ZNF704: variants seen among roughly 807,000 people sequenced by gnomAD.
The protein encoded by ZNF704 is zinc finger protein 704, also known as glucocorticoid induced gene 1.
Under a neutral mutation model 44.7 loss-of-function variants are expected in ZNF704, and 10 were observed. The observed-to-expected ratio is 0.22, with a 90% CI of 0.14 to 0.38. ZNF704 has a LOEUF of 0.38. ZNF704 is among the 10% of genes least tolerant of loss of function. The pLI, the probability that ZNF704 is intolerant of heterozygous loss-of-function variation, is 1.00. For synonymous variants in ZNF704, 211 were observed against 207.6 expected, an observed-to-expected ratio of 1.02 and a Z score of -0.14; for missense variants, 390 against 545.5, an observed-to-expected ratio of 0.71 and a Z score of 2.84.
intron 7 of ZNF704, among the ~76,000 whole-genome samples, chr8:80,652,303 G>C (rs1303829175): frequency 6.6e-6 from 1 of 151,894 alleles, no homozygotes; most frequent in Non-Finnish European, 1.5e-5. Flanking sequence ...CAGAAGGCAA[G>C]AAATAACTAA....
intron 4 of ZNF704, among the ~76,000 whole-genome samples, chr8:80,681,097 A>C (rs1818446311): frequency 6.6e-6 from 1 of 151,952 alleles, no homozygotes; most frequent in Admixed American, 6.6e-5. Context: ...GTTATAATGC[A>C]ATTTGTTTAT....
At chr8:80,833,494 G>A (rs991945034) in intron 1 of ZNF704, among the ~76,000 whole-genome samples, 3 of 152,126 alleles carry the variant, frequency 2.0e-5, no homozygotes, top group African/African-American at 7.2e-5. Flanking sequence ...TTTCATGCTA[G>A]GTACACAGAA....
At chr8:80,750,850 C>G (rs1806930596) in intron 2 of ZNF704, among the ~76,000 whole-genome samples, 1 of 152,174 alleles carries the variant, frequency 6.6e-6, no homozygotes, top group Admixed American at 6.5e-5. Flanking sequence ...CTAGCATCAT[C>G]TCAGATGCTC....
chr8:80,763,704 C>G (rs1046434319), intron 2 of ZNF704, among the ~76,000 whole-genome samples: 2 of 152,198 alleles, frequency 1.3e-5, no homozygotes, highest in Admixed American at 6.5e-5. Context: ...TAAATTTCTA[C>G]AGCAGGCTTG....
At chr8:80,680,740 C>A (rs111954261) in intron 4 of ZNF704, among the ~76,000 whole-genome samples, 1 of 152,210 alleles carries the variant, frequency 6.6e-6, no homozygotes, top group South Asian at 2.1e-4. Flanking sequence ...ATACATGTTG[C>A]CTTACCTTTT....
intron 1 of ZNF704, among the ~76,000 whole-genome samples, chr8:80,867,627 G>C (rs1238247610): frequency 6.6e-6 from 1 of 152,074 alleles, no homozygotes; most frequent in African/African-American, 2.4e-5. Flanking sequence ...ACTTTGTCTG[G>C]TATCTTAAGC....
At chr8:80,772,942 ACATTTT>A (rs1007285439) in intron 2 of ZNF704, among the ~76,000 whole-genome samples, 3 of 152,170 alleles carry the variant, frequency 2.0e-5, no homozygotes, top group African/African-American at 4.8e-5. Flanking sequence ...TTGATATGCT[ACATTTT>A]CATTTTCATT....
intron 1 of ZNF704, among the ~76,000 whole-genome samples, chr8:80,838,148 T>C (rs1240012683): frequency 1.3e-5 from 2 of 152,098 alleles, no homozygotes; most frequent in Non-Finnish European, 2.9e-5. Context: ...AAGAGAGAGA[T>C]TCGTGGGAAC....
At chr8:80,817,595 C>CA (rs1808197863) in intron 2 of ZNF704, among the ~76,000 whole-genome samples, 1 of 152,190 alleles carries the variant, frequency 6.6e-6, no homozygotes, top group Non-Finnish European at 1.5e-5. Context: ...TTTGCTTCTC[C>CA]AATGACCCAG....
At chr8:80,658,614 A>G (rs1818052496) in intron 7 of ZNF704, 1 of 152,222 alleles carries the variant, frequency 6.6e-6, no homozygotes, top group South Asian at 2.1e-4. Context: ...ACATTCCCAG[A>G]GTCTTTTCTG....
chr8:80,645,005 A>C, intron 7 of ZNF704: 1 of 1,206,174 alleles, frequency 8.3e-7, no homozygotes. Context: ...GGATCATATA[A>C]TGGACCCATC....
At position 80,857,277 on chromosome 8, in the gene ZNF704, C is replaced by T. The variant is rs897784823; in HGVS notation, c.-22+17294G>A. On this transcript the variant is annotated intron_variant, in intron 1 of 8. Coordinates refer to ENST00000327835, the MANE Select transcript of ZNF704 (RefSeq NM_001033723.3). Reference sequence around the variant, plus strand: ...ACCTCCAAGATGATATTGAATAAAACAGGGCAGACATCCTTGCCTTATTCC... The same window carrying T: ...ACCTCCAAGATGATATTGAATAAAATAGGGCAGACATCCTTGCCTTATTCC... 4.6e-5 allele frequency among the ~76,000 whole-genome samples: 7 copies of T among 152,210 alleles called. No individual in the cohort carries two copies. In the South Asian group the frequency reaches 1.4e-3, roughly 32 times the overall value.
intron 2 of ZNF704, among the ~76,000 whole-genome samples, chr8:80,728,982 A>C (rs928398512): frequency 9.9e-5 from 15 of 152,170 alleles, no homozygotes; most frequent in Admixed American, 5.9e-4. Context: ...GCACGAACCG[A>C]AACGACCGTT....
At chr8:80,742,565 A>G (rs919733579) in intron 2 of ZNF704, among the ~76,000 whole-genome samples, 12 of 152,156 alleles carry the variant, frequency 7.9e-5, no homozygotes, top group African/African-American at 2.9e-4. Context: ...TATTATTTGA[A>G]TACATTTGAA....
intron 2 of ZNF704, among the ~76,000 whole-genome samples, chr8:80,788,011 AT>A (rs1453930791): frequency 6.6e-6 from 1 of 152,220 alleles, no homozygotes; most frequent in Non-Finnish European, 1.5e-5. Flanking sequence ...TTTCAAGCAT[AT>A]TTGCAAATTG....
At chr8:80,733,852 A>G (rs1563535111) in intron 2 of ZNF704, among the ~76,000 whole-genome samples, 1 of 152,090 alleles carries the variant, frequency 6.6e-6, no homozygotes, top group Non-Finnish European at 1.5e-5. Flanking sequence ...TCCAGCTTTT[A>G]TTGTTCTCAG....
chr8:80,730,685 T>A (rs1806566880), intron 2 of ZNF704, among the ~76,000 whole-genome samples: 1 of 151,934 alleles, frequency 6.6e-6, no homozygotes, highest in South Asian at 2.1e-4. Context: ...GGTGGGAGCA[T>A]CTCCTTCCAT....
chr8:80,692,663 A>G (rs570184612), intron 3 of ZNF704, among the ~76,000 whole-genome samples: 3 of 152,370 alleles, frequency 2.0e-5, no homozygotes, highest in African/African-American at 7.2e-5. Flanking sequence ...TCAAACAGAA[A>G]TAATGCTAGG....
At chr8:80,662,325 A>C (rs776604832) in intron 6 of ZNF704, among the ~76,000 whole-genome samples, 42 of 152,186 alleles carry the variant, frequency 2.8e-4, no homozygotes, top group Non-Finnish European at 5.3e-4. Context: ...GAACATTTAT[A>C]ATTTCTATAA....
Sources: gnomAD v4.1 joint callset for allele counts (sites outside exome capture counted in the v4.1 genomes callset) on GRCh38, gnomAD v4.1.1 for gene constraint, MANE v1.5 for transcripts, NCBI Gene and HGNC (gene_info 2026-07-23, HGNC 2026-07-21) for gene names.